Variants in SLIT1 observed in about 807,000 individuals in gnomAD.
SLIT1 encodes slit homolog 1 protein.
Under a neutral mutation model 186.1 loss-of-function variants are expected in SLIT1, and 66 were observed. The ratio of observed to expected loss-of-function variants is 0.35; its 90% CI spans 0.29 to 0.44. SLIT1 has a LOEUF of 0.44. SLIT1 is among the 20% of genes least tolerant of loss of function. The pLI, the probability that SLIT1 is intolerant of heterozygous loss-of-function variation, is 1.00. For synonymous variants in SLIT1, 761 were observed against 833.8 expected, an observed-to-expected ratio of 0.91 and a Z score of 1.50; for missense variants, 1,638 against 2,037.4, an observed-to-expected ratio of 0.80 and a Z score of 3.77.
In SLIT1 at chr10:97,019,023, G is replaced by T; in HGVS notation, c.2831C>A (p.Pro944His). ...GCAGGCGCACCTGTACACCTCAAGG[G>T]GGTCGTTGTGGCAGGTGCCCTGGTT... Reference protein sequence around the residue: ...CQNQGTCHNDPLEVYRCACPS... With the variant: ...CQNQGTCHNDHLEVYRCACPS... The change falls in exon 27 of 37, where the codon CCC (proline) becomes CAC (histidine). Residue 944 changes from proline (P) to histidine (H), a missense_variant. Around this residue, in one of 3 missense-constraint regions of SLIT1, gnomAD observed 1,245 missense variants for 1,535.3 expected, o/e 0.81. Coordinates refer to ENST00000266058, the MANE Select transcript of SLIT1 (RefSeq NM_003061.3). The T allele has an allele frequency of 5.0e-6, 8 of 1,613,832 alleles. No homozygotes were observed. Among genetic ancestry groups the T allele is most frequent in the Non-Finnish European group, 6.8e-6 (8 of 1,179,798 alleles).
intron 4 of SLIT1, among the ~76,000 whole-genome samples, chr10:97,131,552 A>G (rs1473451499): frequency 6.6e-6 from 1 of 152,206 alleles, no homozygotes; most frequent in Non-Finnish European, 1.5e-5. Context: ...CAGGCCCTAG[A>G]GACCCCTGTG....
intron 1 of SLIT1, among the ~76,000 whole-genome samples, chr10:97,166,411 G>A (rs1471262476): frequency 5.3e-5 from 8 of 151,680 alleles, no homozygotes; most frequent in African/African-American, 1.9e-4. Context: ...AGCTACTCGG[G>A]AGGCTGAGGC....
chr10:97,083,242 A>C (rs1008322486), intron 4 of SLIT1, among the ~76,000 whole-genome samples: 13 of 152,186 alleles, frequency 8.5e-5, no homozygotes, highest in African/African-American at 9.7e-5. Flanking sequence ...GCCAAAGCCT[A>C]TTTTATTAAA....
chr10:97,037,397 G>A (rs144565406), intron 22 of SLIT1, among the ~76,000 whole-genome samples: 2 of 152,080 alleles, frequency 1.3e-5, no homozygotes, highest in Non-Finnish European at 2.9e-5. Context: ...CACCGTGCCC[G>A]CCCGACCAGG....
At chr10:97,163,245 C>T (rs369685557) in intron 3 of SLIT1, 135 bp downstream of exon 3, 12 of 731,550 alleles carry the variant, frequency 1.6e-5, no homozygotes, top group East Asian at 5.0e-5. Flanking sequence ...CTCCTGGCTC[C>T]ATCCGCTGGT....
At chr10:97,116,472 T>G (rs529703241) in intron 4 of SLIT1, among the ~76,000 whole-genome samples, 1 of 152,108 alleles carries the variant, frequency 6.6e-6, no homozygotes, top group Non-Finnish European at 1.5e-5. Context: ...GAGCACCCCC[T>G]ACCCACAGGT....
intron 13 of SLIT1, among the ~76,000 whole-genome samples, chr10:97,050,287 T>A (rs1848775697): frequency 6.6e-6 from 1 of 152,232 alleles, no homozygotes. Context: ...CCCAGGCCCC[T>A]GCAAGGGGCT....
chr10:97,093,752 A>G (rs1849257769), intron 4 of SLIT1, among the ~76,000 whole-genome samples: 1 of 152,384 alleles, frequency 6.6e-6, no homozygotes, highest in South Asian at 2.1e-4. Flanking sequence ...CAGCGGGCAC[A>G]GAAGTCACCT....
Position 97,025,072 on chromosome 10 carries a change from C to T in SLIT1, c.2583-3659G>A, listed in dbSNP as rs187918700. Among the ~76,000 whole-genome samples the T allele has an allele frequency of 2.6e-5, 4 of 152,294 alleles. No homozygotes were observed. The East Asian group carries it at 5.8e-4, about 22-fold the overall frequency. On this transcript the variant is annotated intron_variant, in intron 25 of 36. Coordinates refer to ENST00000266058, the MANE Select transcript of SLIT1 (RefSeq NM_003061.3). ...ATCACCTGAGGTCAGGAGTTCAAGA[C>T]CAGCCTGGCCAACATGGTGAAACCT... is the stretch of plus-strand genomic sequence containing the variant.
chr10:97,010,903 C>T lies in SLIT1; in HGVS notation c.3341+90G>A. 1 of 1,278,406 alleles carries T rather than the reference C, an allele frequency of 7.8e-7. No individual in the cohort carries two copies. Among genetic ancestry groups the T allele is most frequent in the South Asian group, 1.4e-5 (1 of 71,790 alleles). 79.2% of individuals were successfully genotyped at this position (1,278,406 alleles called of 1,614,324 possible). On this transcript the variant is annotated intron_variant, in intron 31 of 36. Transcript: ENST00000266058. The surrounding 1 kb of genome is among the most constrained non-coding windows in gnomAD (Gnocchi z 4.8). The stretch of plus-strand genomic sequence containing the variant: ...CCAACTTCCAGGCTCTGACCCACAC[C>T]CCTTTCCTTCGCCATGGCTGGAGGC...
At chr10:97,059,055 C>A (rs898878507) in intron 11 of SLIT1, among the ~76,000 whole-genome samples, 1 of 152,154 alleles carries the variant, frequency 6.6e-6, no homozygotes, top group African/African-American at 2.4e-5. Flanking sequence ...GATGTCACAA[C>A]TGGAGCTGGT....
chr10:97,069,966 C>T (rs552697587), intron 4 of SLIT1, among the ~76,000 whole-genome samples: 36 of 152,186 alleles, frequency 2.4e-4, no homozygotes, highest in African/African-American at 8.2e-4. Flanking sequence ...CTGGGTTTGC[C>T]CTCTCTGGGA....
At chr10:97,050,145 T>C (rs546519883) in intron 13 of SLIT1, among the ~76,000 whole-genome samples, 1 of 152,086 alleles carries the variant, frequency 6.6e-6, no homozygotes, top group East Asian at 1.9e-4. Context: ...CGAAACTCTG[T>C]CTCGAAAAGG....
rs1004874140 is a variant in SLIT1 at position 97,126,350 on chromosome 10, A to G, written c.413+31468T>C. The stretch of plus-strand genomic sequence containing the variant: ...ACGGGGTGAACAATGAATCGGATGC[A>G]GCGCCCACTGCTTTTTAGAGTAACA... On this transcript the variant is annotated intron_variant, in intron 4 of 36. Coordinates refer to ENST00000266058, the MANE Select transcript of SLIT1 (RefSeq NM_003061.3). Among the ~76,000 whole-genome samples the G allele has an allele frequency of 3.9e-5, 6 of 152,214 alleles. No individual in the cohort carries two copies. The East Asian group carries it at 1.2e-3, about 29-fold the overall frequency.
At position 97,042,964 on chromosome 10, in the gene SLIT1, G is replaced by C; in HGVS notation, c.2101C>G (p.Pro701Ala). ...AGGGGAATCTGCCGCAAAAAGTCAGGGTTCTGGCATCGCGGGTTCCCCGTC... is the reference window on the plus strand; with the variant it reads ...AGGGGAATCTGCCGCAAAAAGTCAGCGTTCTGGCATCGCGGGTTCCCCGTC... ...IVTGNPRCQN[P>A]DFLRQIPLQD... is the part of the protein sequence containing the mutation. Residue 701 changes from proline to alanine, a missense_variant, in exon 20 of 37, where the codon CCT (proline) becomes GCT (alanine). This residue lies in a region of SLIT1 where 1,245 missense variants were observed against 1,535.3 expected (regional missense o/e 0.81). Transcript: ENST00000266058. 6.2e-7 allele frequency: 1 copy of C among 1,614,256 alleles called. No individual in the cohort carries two copies. Among genetic ancestry groups the C allele is most frequent in the Non-Finnish European group, 8.5e-7 (1 of 1,180,052 alleles).
Position 97,000,904 on chromosome 10 carries a change from C to G in SLIT1, c.*208G>C. 1.7e-6 allele frequency: 1 copy of G among 589,780 alleles called. No homozygotes were observed. Among genetic ancestry groups the G allele is most frequent in the East Asian group, 2.8e-5 (1 of 35,896 alleles). 36.5% of individuals were successfully genotyped at this position (589,780 alleles called of 1,614,324 possible). On this transcript the variant is annotated 3_prime_UTR_variant, in exon 37 of 37. Transcript: ENST00000266058. ...CACTTCCGGAGAGGGCAGCCCGCAG[C>G]TCAGGCCTCGCCCACCCCCGCTGCC...
chr10:97,046,963 G>T, intron 17 of SLIT1, 28 bp downstream of exon 17: 1 of 1,586,060 alleles, frequency 6.3e-7, no homozygotes, highest in Non-Finnish European at 8.7e-7. Flanking sequence ...CATCCCAACA[G>T]ACACCTTCTC....
At chr10:97,060,920 CT>C in intron 8 of SLIT1, 133 bp from the exon 9 acceptor site, 3 of 981,558 alleles carry the variant, frequency 3.1e-6, no homozygotes, top group Non-Finnish European at 4.3e-6. Flanking sequence ...GAGGGGATCA[CT>C]AATGAAATAA....
intron 3 of SLIT1, among the ~76,000 whole-genome samples, chr10:97,158,661 C>A (rs377003191): frequency 0.012 from 1,466 of 121,886 alleles, no homozygotes; most frequent in Non-Finnish European, 0.014. Context: ...AACTCTGTCT[C>A]AAAAAAAAAA....
Sources: gnomAD v4.1 joint callset for allele counts (sites outside exome capture counted in the v4.1 genomes callset) on GRCh38, gnomAD v4.1.1 for gene constraint, gnomAD v4.1.1 regional missense constraint, Gnocchi (gnomAD v3.1) non-coding constraint, MANE v1.5 for transcripts, NCBI Gene and HGNC (gene_info 2026-07-23, HGNC 2026-07-21) for gene names.